The following DYNC2H1 variants were observed in gnomAD, a reference collection of about 807,000 sequenced individuals.
DYNC2H1 encodes dynein cytoplasmic 2 heavy chain 1.
DYNC2H1 carries 410 observed loss-of-function variants against 570.0 expected under a neutral mutation model. The ratio of observed to expected loss-of-function variants is 0.72; its 90% CI spans 0.66 to 0.78. The LOEUF is 0.78. DYNC2H1 is among the 30% of genes least tolerant of loss of function. The pLI, the probability that DYNC2H1 is intolerant of heterozygous loss-of-function variation, is 0.00. For missense variants in DYNC2H1, 4,865 were observed against 5,046.4 expected (o/e 0.96, Z 1.09); for synonymous variants, 1,688 against 1,677.6 (o/e 1.01, Z -0.15).
intron 83 of DYNC2H1, among the ~76,000 whole-genome samples, chr11:103,373,446 T>A (rs1941261499): frequency 6.6e-6 from 1 of 152,316 alleles, no homozygotes; most frequent in East Asian, 1.9e-4. Context: ...CTTGTTGATT[T>A]TCATTGACCC....
chr11:103,381,885 CATT>C (rs1430413350), intron 83 of DYNC2H1, among the ~76,000 whole-genome samples: 2 of 152,144 alleles, frequency 1.3e-5, no homozygotes, highest in Admixed American at 6.5e-5. Context: ...ATGGTTAACT[CATT>C]ATTGTGTAAA....
chr11:103,151,619 G>A lies in DYNC2H1; in HGVS notation c.2947-517G>A, dbSNP rs1860546773. 6.6e-6 allele frequency among the ~76,000 whole-genome samples: 1 copy of A among 151,914 alleles called. No homozygotes were observed. Among genetic ancestry groups the A allele is most frequent in the African/African-American group, 2.4e-5 (1 of 41,332 alleles). ...AAACTGTTAGCTATATACAACTTAG[G>A]GCACTTCAGTTAAAAACCCTGAATG... On this transcript the variant is annotated intron_variant, in intron 20 of 88. Coordinates refer to ENST00000375735, the MANE Select transcript of DYNC2H1 (RefSeq NM_001377.3). The surrounding 1 kb of genome is among the most constrained non-coding windows in gnomAD (Gnocchi z 4.6).
At chr11:103,253,581 T>G in intron 66 of DYNC2H1, 133 bp downstream of exon 66, 1 of 884,456 alleles carries the variant, frequency 1.1e-6, no homozygotes, top group Non-Finnish European at 1.7e-6. Context: ...AATACTTGTA[T>G]GTTGGAGTGA....
rs1858486398 is a variant in DYNC2H1, at chr11:103,117,731, A to C, written c.867A>C (p.Ser289=). The stretch of plus-strand genomic sequence containing the variant: ...AAGAAAGTCTGAAAGCTGGTATTTC[A>C]ATTTGTGAACAGTGGGTGATAGTCT... The part of the protein sequence containing the change: ...LVKESLKAGI[S]ICEQWVIVCN... The change falls in exon 6 of 89, where the codon TCA becomes TCC. Residue 289 remains serine (S), a synonymous_variant. Coordinates refer to ENST00000375735, the MANE Select transcript of DYNC2H1 (RefSeq NM_001377.3). 1 of 1,613,110 alleles carries C rather than the reference A, an allele frequency of 6.2e-7. No homozygotes were observed. The highest frequency in any genetic ancestry group is 1.3e-5 in the African/African-American group (1 of 74,916).
rs1257706624 is a variant in DYNC2H1 at position 103,455,309 on chromosome 11, A to C, written c.12566+14A>C. On this transcript the variant is annotated intron_variant, in intron 86 of 88. Transcript: ENST00000375735. ...GGAAACTGCAAGGTAATTAAAATGA[A>C]ATACTTTACCTATTTGTCCCTGACG... 4.4e-6 allele frequency: 7 copies of C among 1,604,688 alleles called. No individual in the cohort carries two copies. The highest frequency in any genetic ancestry group is 5.1e-6 in the Non-Finnish European group (6 of 1,172,104).
Position 103,159,082 on chromosome 11 carries a change from G to C in DYNC2H1, c.4378+55G>C. The C allele has an allele frequency of 3.6e-6, 5 of 1,407,722 alleles. No individual in the cohort carries two copies. The Admixed American group carries it at 9.4e-5, about 27-fold the overall frequency. 87.2% of individuals were successfully genotyped at this position (1,407,722 alleles called of 1,614,324 possible). ...TTATTGAGTTTCAACTGTCTGCCAG[G>C]CCTAATATTATGCTCTTAGGTAGAC... On this transcript the variant is annotated intron_variant, in intron 28 of 88. Coordinates refer to ENST00000375735, the MANE Select transcript of DYNC2H1 (RefSeq NM_001377.3).
chr11:103,158,625 A>AC (rs901523216), intron 26 of DYNC2H1, 52 bp from the exon 27 acceptor site: 36 of 1,439,962 alleles, frequency 2.5e-5, no homozygotes, highest in South Asian at 9.5e-5. Context: ...TGTTTTTCTT[A>AC]CCCCCCCAAA....
At chr11:103,476,733 G>T (rs1327752750) in intron 88 of DYNC2H1, among the ~76,000 whole-genome samples, 7 of 152,264 alleles carry the variant, frequency 4.6e-5, no homozygotes, top group Middle Eastern at 3.4e-3. Flanking sequence ...TTGTTGGTGT[G>T]TGGGTATGTG....
rs74718805 is a variant in DYNC2H1 at position 103,274,482 on chromosome 11, C to T, written c.10696-5866C>T. 8.6e-5 allele frequency among the ~76,000 whole-genome samples: 13 copies of T among 151,342 alleles called. No individual in the cohort carries two copies. In the East Asian group the frequency reaches 1.9e-3, roughly 23 times the overall value. On this transcript the variant is annotated intron_variant, in intron 70 of 88. Coordinates refer to ENST00000375735, the MANE Select transcript of DYNC2H1 (RefSeq NM_001377.3). ...CATTTATTGTCTTATTTATCTTTAT[C>T]GATAATTATGTATTTCTTTACCTTA...
Position 103,156,562 on chromosome 11 carries a change from T to A in DYNC2H1, c.3919T>A (p.Cys1307Ser). ...DIVNQVGDNR[C>S]LLQSLKDSPY... is the part of the protein sequence containing the mutation. ...AGTAAATCAGGTTGGAGATAATAGA[T>A]GCCTTCTCCAATCCTTAAAGGATTC... The change falls in exon 26 of 89, where the codon TGC (cysteine) becomes AGC (serine). Residue 1307 changes from cysteine to serine, a missense_variant. Physicochemically the swap from Cys to Ser is moderately radical, Grantham distance 112. Coordinates refer to ENST00000375735, the MANE Select transcript of DYNC2H1 (RefSeq NM_001377.3). 3 of 1,613,790 alleles carry A rather than the reference T, an allele frequency of 1.9e-6. No individual in the cohort carries two copies. In the South Asian group the frequency reaches 3.3e-5, roughly 18 times the overall value.
intron 25 of DYNC2H1, 98 bp from the exon 26 acceptor site, chr11:103,156,290 G>A: frequency 4.9e-6 from 6 of 1,233,226 alleles, no homozygotes; most frequent in Non-Finnish European, 6.6e-6. Context: ...ATGGTGAAAA[G>A]CCAGATAAAA....
rs1858957251 is a variant in DYNC2H1, at chr11:103,125,611, C to T, written c.1857+316C>T. ...AATTAAGGAGTCCTCTGCCTGCCTT[C>T]TAGGAGCAGAGTCATAAAGAATTAT... On this transcript the variant is annotated intron_variant, in intron 12 of 88. Coordinates refer to ENST00000375735, the MANE Select transcript of DYNC2H1 (RefSeq NM_001377.3). 1.3e-5 allele frequency among the ~76,000 whole-genome samples: 2 copies of T among 152,176 alleles called. 1 individual carries two copies. Among genetic ancestry groups the T allele is most frequent in the South Asian group, 4.1e-4 (2 of 4,832 alleles).
chr11:103,451,919 GTATA>G (rs1016124835), intron 85 of DYNC2H1, among the ~76,000 whole-genome samples: 2 of 151,722 alleles, frequency 1.3e-5, no homozygotes, highest in Non-Finnish European at 2.9e-5. Flanking sequence ...AGTTTTAATG[GTATA>G]TATATAGATA....
chr11:103,206,837 A>G (rs1862945208), intron 52 of DYNC2H1, among the ~76,000 whole-genome samples: 1 of 152,124 alleles, frequency 6.6e-6, no homozygotes, highest in Non-Finnish European at 1.5e-5. Flanking sequence ...ATTGGAGACA[A>G]TGAATGTGGG....
intron 83 of DYNC2H1, among the ~76,000 whole-genome samples, chr11:103,376,462 T>C (rs1368458291): frequency 6.6e-6 from 1 of 152,214 alleles, no homozygotes; most frequent in East Asian, 1.9e-4. Context: ...TTTTCTTACT[T>C]GTGTATTTGT....
rs778714288 is a variant in DYNC2H1 at position 103,322,421 on chromosome 11, C to T, written c.11934+1184C>T. On this transcript the variant is annotated intron_variant, in intron 81 of 88. Coordinates refer to ENST00000375735, the MANE Select transcript of DYNC2H1 (RefSeq NM_001377.3). Reference sequence around the variant, plus strand: ...ACATGAGTGTAGCCAGTTCTGGGGTCAAGAAACAGAGTATTATTAGCTTCC... The same window carrying T: ...ACATGAGTGTAGCCAGTTCTGGGGTTAAGAAACAGAGTATTATTAGCTTCC... Among the ~76,000 whole-genome samples, 4 of 152,102 alleles carry T rather than the reference C, an allele frequency of 2.6e-5. 1 individual carries two copies. Among genetic ancestry groups the T allele is most frequent in the African/African-American group, 7.2e-5 (3 of 41,418 alleles).
intron 84 of DYNC2H1, among the ~76,000 whole-genome samples, chr11:103,423,882 T>G (rs1485348116): frequency 2.0e-5 from 3 of 152,084 alleles, no homozygotes; most frequent in Non-Finnish European, 2.9e-5. Context: ...TCAGTTGTAT[T>G]TCTGTATAAT....
At position 103,187,687 on chromosome 11, in the gene DYNC2H1, T is replaced by G. The variant is rs555260328; in HGVS notation, c.7140+101T>G. ...CATTCTTCATTTGGGGCCAGTTTTATCTAGCATTTGTCATGGAAATTAAAC... is the reference window on the plus strand; with the variant it reads ...CATTCTTCATTTGGGGCCAGTTTTAGCTAGCATTTGTCATGGAAATTAAAC... On this transcript the variant is annotated intron_variant, in intron 43 of 88. Coordinates refer to ENST00000375735, the MANE Select transcript of DYNC2H1 (RefSeq NM_001377.3). The G allele has an allele frequency of 7.9e-6, 11 of 1,397,682 alleles. No individual in the cohort carries two copies. In the East Asian group the frequency reaches 2.5e-4, roughly 31 times the overall value. The allele number at this position is 1,397,682 out of a possible 1,614,324, so 86.6% of individuals were successfully genotyped here.
At chr11:103,336,014 G>T (rs1165182196) in intron 82 of DYNC2H1, among the ~76,000 whole-genome samples, 1 of 152,120 alleles carries the variant, frequency 6.6e-6, no homozygotes, top group Non-Finnish European at 1.5e-5. Flanking sequence ...GAGAGCAAGG[G>T]TAAATAACTT....
Sources: allele counts gnomAD v4.1 joint callset (sites outside exome capture counted in the v4.1 genomes callset), GRCh38; gene constraint gnomAD v4.1.1; non-coding constraint Gnocchi (gnomAD v3.1); transcripts MANE v1.5; gene names NCBI Gene and HGNC (gene_info 2026-07-23, HGNC 2026-07-21).